The following KSR2 variants were observed in gnomAD, a reference collection of about 807,000 sequenced individuals.
KSR2 encodes kinase suppressor of ras 2.
Under a neutral mutation model 107.8 loss-of-function variants are expected in KSR2, and 25 were observed. The ratio of observed to expected loss-of-function variants is 0.23; its 90% CI spans 0.17 to 0.32. The LOEUF is 0.32. KSR2 is among the 10% of genes least tolerant of loss of function. The probability of loss-of-function intolerance (pLI) is 1.00; values close to 1 mark genes in which losing one functional copy is unlikely to be tolerated. For synonymous variants in KSR2, 480 were observed against 507.0 expected, an observed-to-expected ratio of 0.95 and a Z score of 0.71; for missense variants, 887 against 1,268.9, an observed-to-expected ratio of 0.70 and a Z score of 4.57.
intron 7 of KSR2, among the ~76,000 whole-genome samples, chr12:117,564,348 C>A (rs1471116101): frequency 6.6e-6 from 1 of 152,190 alleles, no homozygotes; most frequent in Non-Finnish European, 1.5e-5. Context: ...CAGGTCTGCC[C>A]TTCCTGGCAG....
chr12:117,677,296 T>C (rs2136520760), intron 4 of KSR2: 1 of 152,234 alleles, frequency 6.6e-6, no homozygotes, highest in Non-Finnish European at 1.5e-5. Flanking sequence ...AGATGGAACC[T>C]TTAAAGAGGT....
chr12:117,518,022 G>A (rs950206824), intron 14 of KSR2, among the ~76,000 whole-genome samples: 19 of 152,250 alleles, frequency 1.2e-4, no homozygotes, highest in African/African-American at 4.6e-4. Context: ...ATTTGGAGTT[G>A]GAAATAAATA....
rs1315413399 is a variant in KSR2, at chr12:117,548,094, T to TAA, written c.1518+7073_1518+7074dup. On this transcript the variant is annotated intron_variant, in intron 9 of 19. Transcript: ENST00000339824. ...CCTGGGTGACAGTGAGACTCCATCT[T>TAA]AAAAAAAAAAAAGTCTTAGGGAACT... Among the ~76,000 whole-genome samples the TAA allele has an allele frequency of 3.4e-5, 5 of 145,206 alleles. No individual in the cohort carries two copies. In the East Asian group the frequency reaches 1.0e-3, roughly 29 times the overall value.
intron 5 of KSR2, among the ~76,000 whole-genome samples, chr12:117,601,535 T>C (rs979251624): frequency 6.6e-6 from 1 of 151,892 alleles, no homozygotes; most frequent in South Asian, 2.1e-4. Context: ...GGGAGAACAC[T>C]ATGAGATCAC....
rs529873418 is a variant in KSR2, at chr12:117,534,415, A to T, written c.1688-2708T>A. On this transcript the variant is annotated intron_variant, in intron 10 of 19. Coordinates refer to ENST00000339824, the MANE Select transcript of KSR2 (RefSeq NM_173598.6). Reference sequence around the variant, plus strand: ...CCCCACCTGCAAAACTCAGCCATCCAGTGACCCTCCAACCTAAATCTGTTC... The same window carrying T: ...CCCCACCTGCAAAACTCAGCCATCCTGTGACCCTCCAACCTAAATCTGTTC... Among the ~76,000 whole-genome samples the T allele has an allele frequency of 1.1e-4, 16 of 152,214 alleles. 1 individual carries two copies. In the South Asian group the frequency reaches 3.3e-3, roughly 32 times the overall value.
At chr12:117,597,256 G>A (rs1167575583) in intron 5 of KSR2, among the ~76,000 whole-genome samples, 1 of 152,176 alleles carries the variant, frequency 6.6e-6, no homozygotes, top group Non-Finnish European at 1.5e-5. Flanking sequence ...AAGATTGCAG[G>A]TGCTAATCGC....
At chr12:117,829,456 A>C (rs768753175) in intron 3 of KSR2, among the ~76,000 whole-genome samples, 1 of 152,172 alleles carries the variant, frequency 6.6e-6, no homozygotes, top group Non-Finnish European at 1.5e-5. Context: ...CAATACCTTA[A>C]AGACAAGAAG....
chr12:117,522,137 G>A (rs1043844771), intron 14 of KSR2, among the ~76,000 whole-genome samples: 1 of 152,124 alleles, frequency 6.6e-6, no homozygotes, highest in African/African-American at 2.4e-5. Context: ...GCTTGGGGAG[G>A]GGGGCTCAGA....
At chr12:117,736,442 T>G (rs1565987251) in intron 4 of KSR2, among the ~76,000 whole-genome samples, 1 of 152,180 alleles carries the variant, frequency 6.6e-6, no homozygotes, top group Admixed American at 6.5e-5. Flanking sequence ...GAGTAACTAT[T>G]CGTTGAATTT....
intron 5 of KSR2, among the ~76,000 whole-genome samples, chr12:117,608,717 A>G (rs544491441): frequency 3.3e-5 from 5 of 152,236 alleles, no homozygotes; most frequent in Non-Finnish European, 5.9e-5. Context: ...ATAGTTTAAA[A>G]TATAATTTTT....
At chr12:117,594,932 T>C (rs1438264297) in intron 5 of KSR2, among the ~76,000 whole-genome samples, 1 of 151,978 alleles carries the variant, frequency 6.6e-6, no homozygotes, top group Non-Finnish European at 1.5e-5. Flanking sequence ...CAGAACACTG[T>C]CCAGCTCCAA....
At chr12:117,663,905 A>C (rs2136473163) in intron 5 of KSR2, among the ~76,000 whole-genome samples, 1 of 152,290 alleles carries the variant, frequency 6.6e-6, no homozygotes, top group South Asian at 2.1e-4. Flanking sequence ...TAAGCAAACC[A>C]CCAGAGCATG....
At chr12:117,938,248 T>C (rs993920344) in intron 1 of KSR2, among the ~76,000 whole-genome samples, 27 of 152,266 alleles carry the variant, frequency 1.8e-4, no homozygotes, top group African/African-American at 6.0e-4. Flanking sequence ...TTGTACATCA[T>C]TATTTCCACA....
chr12:117,778,716 G>T (rs1208898429), intron 3 of KSR2, among the ~76,000 whole-genome samples: 4 of 152,156 alleles, frequency 2.6e-5, no homozygotes, highest in Non-Finnish European at 5.9e-5. Flanking sequence ...AAGCTTAGGA[G>T]GCCCATCCAG....
intron 3 of KSR2, among the ~76,000 whole-genome samples, chr12:117,852,560 C>G (rs1566050286): frequency 6.6e-6 from 1 of 152,136 alleles, no homozygotes; most frequent in East Asian, 1.9e-4. Flanking sequence ...AAAAAAATAA[C>G]TATTCTTTCC....
chr12:117,708,393 G>C (rs1358756570), intron 4 of KSR2, among the ~76,000 whole-genome samples: 18 of 152,132 alleles, frequency 1.2e-4, no homozygotes, highest in Admixed American at 1.2e-3. Context: ...TAGAGATGAA[G>C]GGACCTGCCT....
At chr12:117,530,849 A>G (rs1270975932) in intron 12 of KSR2, 92 bp downstream of exon 12, 8 of 1,099,150 alleles carry the variant, frequency 7.3e-6, no homozygotes, top group African/African-American at 3.1e-5. Context: ...CAGTTCCAGG[A>G]AGAGAAGGAA....
chr12:117,954,711 A>C (rs1896456790), intron 1 of KSR2, among the ~76,000 whole-genome samples: 1 of 152,214 alleles, frequency 6.6e-6, no homozygotes. Context: ...AAAATTGCAA[A>C]GCAAGAATTA....
chr12:117,831,077 C>T (rs953359718), intron 3 of KSR2, among the ~76,000 whole-genome samples: 1 of 152,138 alleles, frequency 6.6e-6, no homozygotes, highest in Non-Finnish European at 1.5e-5. Context: ...CCAAATACCT[C>T]CCCCAGAGCA....
Sources: gnomAD v4.1 joint callset for allele counts (sites outside exome capture counted in the v4.1 genomes callset) on GRCh38, gnomAD v4.1.1 for gene constraint, MANE v1.5 for transcripts, NCBI Gene and HGNC (gene_info 2026-07-23, HGNC 2026-07-21) for gene names.